The following GFRA4 variants were observed in gnomAD, a reference collection of about 807,000 sequenced individuals.
GFRA4 encodes GDNF family receptor alpha 4.
A neutral mutation model predicts 28.5 loss-of-function variants in GFRA4; 31 were observed. That is an observed-to-expected ratio of 1.09 (90% CI 0.82 to 1.47). The LOEUF (loss-of-function observed/expected upper bound fraction) is 1.47. GFRA4 is among the 40% of genes most tolerant of loss of function. The pLI, the probability that GFRA4 is intolerant of heterozygous loss-of-function variation, is 0.00. For missense variants in GFRA4, 389 were observed against 413.2 expected (o/e 0.94, Z 0.51); for synonymous variants, 188 against 188.0 (o/e 1.00, Z 0.00).
chr20:3,660,986 C>A lies in GFRA4; in HGVS notation c.350G>T (p.Cys117Phe). 6.9e-7 allele frequency: 1 copy of A among 1,456,784 alleles called. No individual in the cohort carries two copies. Among genetic ancestry groups the A allele is most frequent in the Non-Finnish European group, 9.0e-7 (1 of 1,111,718 alleles). The allele number at this position is 1,456,784 out of a possible 1,614,324, so 90.2% of individuals were successfully genotyped here. ...FSGPGPAPPS[C>F]LEPLNFCERS... ...CTCGCAGAAGTTTAAGGGCTCAAGGCAGGAGGGCGGCGCGGGGCCGGGCCC... is the reference window on the plus strand; with the variant it reads ...CTCGCAGAAGTTTAAGGGCTCAAGGAAGGAGGGCGGCGCGGGGCCGGGCCC... Residue 117 changes from cysteine (C) to phenylalanine (F), a missense_variant, in exon 2 of 6, where the codon TGC becomes TTC. Coordinates refer to ENST00000290417, the MANE Select transcript of GFRA4 (RefSeq NM_022139.4).
In GFRA4 at chr20:3,663,347, C is replaced by T. The variant is rs751664771; in HGVS notation, c.46+7G>A. On this transcript the variant is annotated splice_region_variant and intron_variant, in intron 1 of 5. Transcript: ENST00000290417. ...TTCGGGGTCCAGGGGAAGAGAGGGG[C>T]GCTCACCCAGTAACAGCAGCAGCAG... 1.8e-5 allele frequency: 29 copies of T among 1,609,372 alleles called. No individual in the cohort carries two copies. Among genetic ancestry groups the T allele is most frequent in the African/African-American group, 1.3e-4 (10 of 74,972 alleles).
chr20:3,661,105 G>A lies in GFRA4; in HGVS notation c.231C>T (p.Pro77=), dbSNP rs943616306. ...ALRRFFARGP[P]ALTHALLFCP... Reference sequence around the variant, plus strand: ...AGAAGAGCAGTGCGTGGGTGAGCGCGGGCGGCCCGCGGGCGAAGAAGCGGC... The same window carrying A: ...AGAAGAGCAGTGCGTGGGTGAGCGCAGGCGGCCCGCGGGCGAAGAAGCGGC... Residue 77 remains proline, a synonymous_variant, in exon 2 of 6, where the codon CCC becomes CCT. Coordinates refer to ENST00000290417, the MANE Select transcript of GFRA4 (RefSeq NM_022139.4). 8 of 1,315,164 alleles carry A rather than the reference G, an allele frequency of 6.1e-6. No individual in the cohort carries two copies. The highest frequency in any genetic ancestry group is 3.2e-5 in the East Asian group (1 of 31,418). The allele number at this position is 1,315,164 out of a possible 1,614,324, so 81.5% of individuals were successfully genotyped here.
chr20:3,660,364 T>C, intron 4 of GFRA4, 115 bp from the exon 5 acceptor site: 1 of 1,073,046 alleles, frequency 9.3e-7, no homozygotes, highest in South Asian at 1.5e-5. Context: ...GGACAGAAGG[T>C]GTGTGGTGAG....
intron 1 of GFRA4, 145 bp downstream of exon 1, chr20:3,663,209 C>T: frequency 1.0e-6 from 1 of 962,224 alleles, no homozygotes; most frequent in Non-Finnish European, 1.6e-6. Context: ...GCCAGGGGTC[C>T]CCAAGCCGTG....
chr20:3,660,332 C>T, intron 4 of GFRA4, 83 bp from the exon 5 acceptor site: 2 of 1,231,044 alleles, frequency 1.6e-6, no homozygotes, highest in East Asian at 5.0e-5. Context: ...GAGAGACCCC[C>T]TGCTGCAAAG....
intron 1 of GFRA4, among the ~76,000 whole-genome samples, chr20:3,661,966 C>G (rs1247298040): frequency 6.6e-6 from 1 of 152,196 alleles, no homozygotes. Context: ...CCTCCAGCCC[C>G]TCCACCCTTC....
rs1391865065 is a variant in GFRA4 at position 3,660,202 on chromosome 20, C to G, written c.685G>C (p.Asp229His). ...GGGTCTCCCTGGGGGTTCAGCTGGT[C>G]CAGCAGGACTGGGGGCCACCCGCTG... is the stretch of plus-strand genomic sequence containing the variant. ...FASGWPPVLLDQLNPQGDPEH... is the reference protein window; with the variant it reads ...FASGWPPVLLHQLNPQGDPEH... The change falls in exon 5 of 6, where the codon GAC becomes CAC. Residue 229 changes from aspartate to histidine, a missense_variant. By Grantham distance (81) the Asp-to-His change is moderately conservative. Transcript: ENST00000290417. 6.2e-7 allele frequency: 1 copy of G among 1,604,882 alleles called. No homozygotes were observed. Among genetic ancestry groups the G allele is most frequent in the Non-Finnish European group, 8.5e-7 (1 of 1,176,490 alleles).
chr20:3,659,971 C>T lies in GFRA4; in HGVS notation c.748G>A (p.Ala250Thr). ...GAGAGCAGGGAGCGTCTCTCCAGGG[C>T]CCTGCCTGTGGAGGACACCTTGGGG... ...SLLQVSSTGR[A>T]LERRSLLSIL... Residue 250 changes from alanine to threonine, a missense_variant, in exon 6 of 6, where the codon GCC becomes ACC. Physicochemically the swap from Ala to Thr is moderately conservative, Grantham distance 58. Coordinates refer to ENST00000290417, the MANE Select transcript of GFRA4 (RefSeq NM_022139.4). 6.3e-7 allele frequency: 1 copy of T among 1,585,890 alleles called. No homozygotes were observed. The highest frequency in any genetic ancestry group is 8.6e-7 in the Non-Finnish European group (1 of 1,166,726).
Position 3,659,805 on chromosome 20 carries a change from T to TG in GFRA4, c.*103dup. 1.8e-6 allele frequency: 2 copies of TG among 1,112,318 alleles called. No homozygotes were observed. The highest frequency in any genetic ancestry group is 1.3e-6 in the Non-Finnish European group (1 of 762,544). 68.9% of individuals were successfully genotyped at this position (1,112,318 alleles called of 1,614,324 possible). ...CGGAGTGAAAGCACCAGGGCCGGCTTGGGGGGTAAGCCAGCCCCTTCTCAA... is the reference window on the plus strand; with the variant it reads ...CGGAGTGAAAGCACCAGGGCCGGCTTGGGGGGGTAAGCCAGCCCCTTCTCAA... On this transcript the variant is annotated 3_prime_UTR_variant, in exon 6 of 6. Transcript: ENST00000290417.
At chr20:3,660,905 C>G (rs2087213756) in intron 2 of GFRA4, 39 bp downstream of exon 2, 1 of 1,384,222 alleles carries the variant, frequency 7.2e-7, no homozygotes. Context: ...GAGGCCCCGT[C>G]CCCACCCTCG....
chr20:3,659,844 C>T lies in GFRA4; in HGVS notation c.*65G>A. ...GCCCCTTCTCAAGGGGCCAGTAGGC[C>T]ACAGAGGCGGCCCAGGCAGGCAGGG... On this transcript the variant is annotated 3_prime_UTR_variant, in exon 6 of 6. Coordinates refer to ENST00000290417, the MANE Select transcript of GFRA4 (RefSeq NM_022139.4). The T allele has an allele frequency of 6.8e-7, 1 of 1,478,526 alleles. No individual in the cohort carries two copies. The highest frequency in any genetic ancestry group is 2.4e-5 in the East Asian group (1 of 41,258). The allele number at this position is 1,478,526 out of a possible 1,614,324, so 91.6% of individuals were successfully genotyped here.
At chr20:3,662,989 A>G (rs2087239006) in intron 1 of GFRA4, among the ~76,000 whole-genome samples, 1 of 152,230 alleles carries the variant, frequency 6.6e-6, no homozygotes, top group African/African-American at 2.4e-5. Flanking sequence ...AAGGTGGAAC[A>G]ACAGATGAAC....
intron 4 of GFRA4, 50 bp downstream of exon 4, chr20:3,660,476 G>T (rs915726682): frequency 1.3e-6 from 2 of 1,512,632 alleles, no homozygotes; most frequent in Admixed American, 2.0e-5. Flanking sequence ...TTGGGAGGGG[G>T]CAGTAAGCGC....
Position 3,660,552 on chromosome 20 carries a change from C to A in GFRA4, c.611G>T (p.Gly204Val). The A allele has an allele frequency of 6.4e-7, 1 of 1,550,604 alleles. No homozygotes were observed. Residue 204 changes from glycine (G) to valine (V), a missense_variant, in exon 4 of 6, where the codon GGG becomes GTG. Gly to Val is a moderately radical substitution (Grantham distance 109). Transcript: ENST00000290417. ...CAAGCAGCGGTTCCTGGTAAAGAGC[C>A]CCCGGAAGGCTTCGCAGTCCTCACG... ...NRREDCEAFR[G>V]LFTRNRCLDG... is the part of the protein sequence containing the mutation.
At position 3,659,550 on chromosome 20, in the gene GFRA4, C is replaced by T; in HGVS notation, c.*359G>A. ...CTAGAATTCTGGGATTCTGGATGGT[C>T]TCTGACCTGCTCTAGGGGATCTGGG... is the stretch of plus-strand genomic sequence containing the variant. On this transcript the variant is annotated 3_prime_UTR_variant, in exon 6 of 6. Transcript: ENST00000290417. The T allele has an allele frequency of 3.2e-6, 1 of 310,990 alleles. No individual in the cohort carries two copies. The highest frequency in any genetic ancestry group is 6.0e-6 in the Non-Finnish European group (1 of 165,814). The allele number at this position is 310,990 out of a possible 1,614,324, so 19.3% of individuals were successfully genotyped here. A position where few individuals can be genotyped will look rare whatever the true frequency, so the allele number is the denominator to read the frequency against.
Position 3,659,672 on chromosome 20 carries a change from A to C in GFRA4, c.*237T>G. Reference sequence around the variant, plus strand: ...AAGGTCTGTGAATAAAGGGACTTACAACCAAGATGCCTCCTGACAGGGAGA... The same window carrying C: ...AAGGTCTGTGAATAAAGGGACTTACCACCAAGATGCCTCCTGACAGGGAGA... On this transcript the variant is annotated 3_prime_UTR_variant, in exon 6 of 6. Transcript: ENST00000290417. 2 of 572,216 alleles carry C rather than the reference A, an allele frequency of 3.5e-6. No homozygotes were observed. The highest frequency in any genetic ancestry group is 6.2e-6 in the Non-Finnish European group (2 of 321,068). 35.4% of individuals were successfully genotyped at this position (572,216 alleles called of 1,614,324 possible).
chr20:3,661,550 C>G (rs1318716214), intron 1 of GFRA4, among the ~76,000 whole-genome samples: 4 of 137,126 alleles, frequency 2.9e-5, no homozygotes, highest in Admixed American at 7.6e-5. Flanking sequence ...GCTGAAGCCC[C>G]TCCTTCCCAA....
In GFRA4 at chr20:3,659,833, G is replaced by A. The variant is rs73893068; in HGVS notation, c.*76C>T. 910 of 1,384,396 alleles carry A rather than the reference G, an allele frequency of 6.6e-4. 1 individual carries two copies. In the African/African-American group the frequency reaches 0.012, roughly 18 times the overall value. The allele number at this position is 1,384,396 out of a possible 1,614,324, so 85.8% of individuals were successfully genotyped here. A position where few individuals can be genotyped will look rare whatever the true frequency, so the allele number is the denominator to read the frequency against. On this transcript the variant is annotated 3_prime_UTR_variant, in exon 6 of 6. Transcript: ENST00000290417. ...GGGGTAAGCCAGCCCCTTCTCAAGG[G>A]GCCAGTAGGCCACAGAGGCGGCCCA...
At position 3,659,410 on chromosome 20, in the gene GFRA4, C is replaced by T. The variant is rs633924; in HGVS notation, c.*499G>A. On this transcript the variant is annotated 3_prime_UTR_variant, in exon 6 of 6. Coordinates refer to ENST00000290417, the MANE Select transcript of GFRA4 (RefSeq NM_022139.4). ...AAAGACTCTGCCAGCATGGTCATGG[C>T]GCACAGGTGGCTACAATGGTGGGTA... The T allele has an allele frequency of 0.55, 90,288 of 164,374 alleles. 27,218 individuals carry two copies. The highest frequency in any genetic ancestry group is 0.68 in the Non-Finnish European group (51,020 of 75,204). 10.2% of individuals were successfully genotyped at this position (164,374 alleles called of 1,614,324 possible). A position where few individuals can be genotyped will look rare whatever the true frequency, so the allele number is the denominator to read the frequency against.
Sources: allele counts gnomAD v4.1 joint callset (sites outside exome capture counted in the v4.1 genomes callset), GRCh38; gene constraint gnomAD v4.1.1; transcripts MANE v1.5; gene names NCBI Gene and HGNC (gene_info 2026-07-23, HGNC 2026-07-21).